The following SEMA3A variants were observed in gnomAD, a reference collection of about 807,000 sequenced individuals.
SEMA3A encodes the protein semaphorin 3A, also known as semaphorin-3A.
A neutral mutation model predicts 97.9 loss-of-function variants in SEMA3A; 29 were observed. That is an observed-to-expected ratio of 0.30 (90% CI 0.22 to 0.40). The LOEUF is 0.40. SEMA3A is among the 10% of genes least tolerant of loss of function. The pLI is 1.00. For missense variants in SEMA3A, 763 were observed against 951.3 expected (o/e 0.80, Z 2.60); for synonymous variants, 321 against 323.7 (o/e 0.99, Z 0.09).
In SEMA3A at chr7:83,958,501, AT is replaced by A. The variant is rs1332825518; in HGVS notation, c.*2869del. 5.9e-5 allele frequency: 9 copies of A among 152,526 alleles called. No homozygotes were observed. Among genetic ancestry groups the A allele is most frequent in the Non-Finnish European group, 1.0e-4 (7 of 67,966 alleles). The allele number at this position is 152,526 out of a possible 1,614,324, so 9.4% of individuals were successfully genotyped here. A position where few individuals can be genotyped will look rare whatever the true frequency, so the allele number is the denominator to read the frequency against. ...ACATATTTCCTACCTGGCAAAAAAC[AT>A]GCTTATTGAACGGGCACGCACCTTC... is the stretch of plus-strand genomic sequence containing the variant. On this transcript the variant is annotated 3_prime_UTR_variant, in exon 17 of 17. Transcript: ENST00000265362.
chr7:84,132,675 T>TGG (rs1303154960), intron 2 of SEMA3A, among the ~76,000 whole-genome samples: 2 of 131,370 alleles, frequency 1.5e-5, no homozygotes, highest in African/African-American at 5.6e-5. Context: ...TTTTTTTTTT[T>TGG]TTTTTTTTTT....
chr7:84,061,320 G>C (rs1463772962), intron 4 of SEMA3A, among the ~76,000 whole-genome samples: 1 of 152,174 alleles, frequency 6.6e-6, no homozygotes, highest in African/African-American at 2.4e-5. Context: ...TCTCAAGGTA[G>C]AATATGTGCA....
chr7:84,041,760 C>T lies in SEMA3A; in HGVS notation c.667+4564G>A, dbSNP rs77939217. On this transcript the variant is annotated intron_variant, in intron 6 of 16. Transcript: ENST00000265362. ...CTGAATGATCACTCAGCTTCTCTAA[C>T]ACTCATCTGCTCAAATAACCATAAA... Among the ~76,000 whole-genome samples the T allele has an allele frequency of 1.4e-3, 220 of 152,184 alleles. 2 individuals carry two copies. In the East Asian group the frequency reaches 0.015, roughly 11 times the overall value.
chr7:84,403,290 C>T (rs190912376), intron 1 of SEMA3A, among the ~76,000 whole-genome samples: 63 of 152,324 alleles, frequency 4.1e-4, no homozygotes, highest in Admixed American at 2.4e-3. Flanking sequence ...CACGAAGCCT[C>T]GCTCATTGCT....
chr7:84,324,353 A>G (rs1447487286), intron 2 of SEMA3A, among the ~76,000 whole-genome samples: 2 of 152,206 alleles, frequency 1.3e-5, no homozygotes, highest in Non-Finnish European at 2.9e-5. Flanking sequence ...GAAGATTAAC[A>G]TGAGATTACT....
intron 1 of SEMA3A, among the ~76,000 whole-genome samples, chr7:84,410,788 C>T (rs1804242829): frequency 6.6e-6 from 1 of 152,016 alleles, no homozygotes; most frequent in Non-Finnish European, 1.5e-5. Flanking sequence ...AGCATTTAAC[C>T]CTGTACCTCT....
intron 2 of SEMA3A, among the ~76,000 whole-genome samples, chr7:84,353,514 T>G (rs2116034135): frequency 6.6e-6 from 1 of 151,866 alleles, no homozygotes; most frequent in South Asian, 2.1e-4. Flanking sequence ...TAAAGTATTT[T>G]GGGGTATACT....
At chr7:84,336,006 G>A (rs1201816919) in intron 2 of SEMA3A, among the ~76,000 whole-genome samples, 5 of 152,030 alleles carry the variant, frequency 3.3e-5, no homozygotes, top group African/African-American at 4.8e-5. Context: ...GATGCCACAT[G>A]TGGCTACTTG....
At chr7:84,239,752 A>G (rs947294191) in intron 3 of SEMA3A, among the ~76,000 whole-genome samples, 3 of 152,128 alleles carry the variant, frequency 2.0e-5, no homozygotes, top group Admixed American at 6.6e-5. Context: ...ACTAATTTTT[A>G]CCATCTTTGG....
intron 2 of SEMA3A, among the ~76,000 whole-genome samples, chr7:84,131,771 ATTATTTATTTATTTAT>A (rs139368318): frequency 6.7e-5 from 10 of 149,008 alleles, no homozygotes; most frequent in East Asian, 4.0e-4. Context: ...GTATAAACAA[ATTATTTATTTATTTAT>A]TTATTTATTT....
intron 3 of SEMA3A, among the ~76,000 whole-genome samples, chr7:84,267,655 CTG>C (rs1800040950): frequency 6.6e-6 from 1 of 151,908 alleles, no homozygotes; most frequent in African/African-American, 2.4e-5. Context: ...GATTTTGTGG[CTG>C]TGTGTGCAAA....
chr7:84,402,973 C>T (rs577689657), intron 1 of SEMA3A, among the ~76,000 whole-genome samples: 3 of 152,044 alleles, frequency 2.0e-5, no homozygotes, highest in Non-Finnish European at 4.4e-5. Context: ...GTGTGAGCAA[C>T]GCAGAAGACA....
intron 1 of SEMA3A, among the ~76,000 whole-genome samples, chr7:84,428,768 A>G (rs770117522): frequency 8.5e-5 from 13 of 152,108 alleles, no homozygotes; most frequent in Admixed American, 6.6e-5. Flanking sequence ...TGATCAAGTC[A>G]GATACTGTCC....
chr7:84,359,208 T>C (rs1802649306), intron 2 of SEMA3A, among the ~76,000 whole-genome samples: 1 of 152,202 alleles, frequency 6.6e-6, no homozygotes, highest in Non-Finnish European at 1.5e-5. Context: ...GGCATCCCTG[T>C]CTTGTGCCAG....
intron 1 of SEMA3A, among the ~76,000 whole-genome samples, chr7:84,426,277 C>CAGATAGATAGACAGAT (rs1804825906): frequency 1.5e-5 from 2 of 132,994 alleles, no homozygotes; most frequent in East Asian, 5.5e-4. Flanking sequence ...GATATATAGA[C>CAGATAGATAGACAGAT]AGATAGATAG....
chr7:84,397,024 G>C lies in SEMA3A; in HGVS notation c.-245-25124C>G, dbSNP rs1027973667. On this transcript the variant is annotated intron_variant, in intron 1 of 3. Transcript: ENST00000424555. ...TTCTGTACCAATCAGAACATAAATG[G>C]CAACATGACAATTTATGGCAAAGAA... Among the ~76,000 whole-genome samples, 8 of 152,024 alleles carry C rather than the reference G, an allele frequency of 5.3e-5. No homozygotes were observed. In the East Asian group the frequency reaches 1.5e-3, roughly 29 times the overall value.
At chr7:84,285,086 T>G (rs2115759389) in intron 3 of SEMA3A, among the ~76,000 whole-genome samples, 1 of 152,288 alleles carries the variant, frequency 6.6e-6, no homozygotes, top group South Asian at 2.1e-4. Flanking sequence ...AGATTTATTT[T>G]ATTTTATTAT....
At chr7:84,096,869 T>C (rs2115878470) in intron 4 of SEMA3A, among the ~76,000 whole-genome samples, 1 of 152,214 alleles carries the variant, frequency 6.6e-6, no homozygotes, top group South Asian at 2.1e-4. Context: ...AGATAAATTA[T>C]TATACATTTC....
At chr7:84,194,360 G>C (rs1798146373) in intron 1 of SEMA3A, 115 bp downstream of exon 1, 1 of 671,020 alleles carries the variant, frequency 1.5e-6, no homozygotes. Flanking sequence ...TAATCACGTC[G>C]GTTTACCAGG....
Sources: gnomAD v4.1 joint callset for allele counts (sites outside exome capture counted in the v4.1 genomes callset) on GRCh38, gnomAD v4.1.1 for gene constraint, MANE v1.5 for transcripts, NCBI Gene and HGNC (gene_info 2026-07-23, HGNC 2026-07-21) for gene names.